The following PHKB variants were observed in gnomAD, a reference collection of about 807,000 sequenced individuals.
The protein encoded by PHKB is phosphorylase kinase regulatory subunit beta.
In PHKB, 122 loss-of-function variants were observed where a neutral mutation model predicts 152.1. That is an observed-to-expected ratio of 0.80 (90% CI 0.69 to 0.93). The LOEUF is 0.93. Among genes scored for constraint, PHKB ranks in the 40% least tolerant of loss-of-function variants. The pLI, the probability that PHKB is intolerant of heterozygous loss-of-function variation, is 0.00. For synonymous variants in PHKB, 436 were observed against 464.9 expected, an observed-to-expected ratio of 0.94 and a Z score of 0.80; for missense variants, 1,304 against 1,328.4, an observed-to-expected ratio of 0.98 and a Z score of 0.29.
At chr16:47,615,842 G>A (rs1051185672) in intron 14 of PHKB, among the ~76,000 whole-genome samples, 2 of 152,142 alleles carry the variant, frequency 1.3e-5, no homozygotes, top group African/African-American at 4.8e-5. Flanking sequence ...TTTCTTCAGA[G>A]TAATTTTTTA....
At chr16:47,538,463 T>G (rs1449730337) in intron 6 of PHKB, among the ~76,000 whole-genome samples, 1 of 152,220 alleles carries the variant, frequency 6.6e-6, no homozygotes, top group Non-Finnish European at 1.5e-5. Context: ...TAGGTGCATG[T>G]TTTGGAGAAA....
chr16:47,597,690 T>C (rs1972146379), intron 13 of PHKB: 1 of 150,112 alleles, frequency 6.7e-6, no homozygotes, highest in Non-Finnish European at 1.5e-5. Context: ...TTTTTTTTTT[T>C]TTTTTTTAGT....
intron 1 of PHKB, among the ~76,000 whole-genome samples, chr16:47,494,254 C>T (rs961065009): frequency 1.3e-5 from 2 of 152,110 alleles, no homozygotes; most frequent in Non-Finnish European, 2.9e-5. Flanking sequence ...AGTATTCAAG[C>T]CTAAATCTAT....
chr16:47,553,562 A>G (rs1971312668), intron 7 of PHKB, among the ~76,000 whole-genome samples: 1 of 151,932 alleles, frequency 6.6e-6, no homozygotes, highest in Non-Finnish European at 1.5e-5. Flanking sequence ...TTCTCCATCC[A>G]GTTTTGTTCC....
At chr16:47,476,713 G>T (rs1336203613) in intron 1 of PHKB, among the ~76,000 whole-genome samples, 1 of 151,714 alleles carries the variant, frequency 6.6e-6, no homozygotes, top group Non-Finnish European at 1.5e-5. Flanking sequence ...TGCATTACTG[G>T]TGTCACTGTC....
intron 5 of PHKB, among the ~76,000 whole-genome samples, chr16:47,511,977 C>T (rs779255799): frequency 1.3e-5 from 2 of 152,096 alleles, no homozygotes; most frequent in Non-Finnish European, 2.9e-5. Flanking sequence ...CTGGATCCCT[C>T]GCATGTGCAG....
rs1435439115 is a variant in PHKB, at chr16:47,660,705, A to G, written c.2082A>G (p.Ser694=). Residue 694 remains serine (S), a synonymous_variant, in exon 22 of 31, where the codon TCA becomes TCG. Coordinates refer to ENST00000323584, the MANE Select transcript of PHKB (RefSeq NM_000293.3). The part of the protein sequence containing the change: ...SFEELEPPKH[S]KVKRQSSTPS... ...AGGAACTAGAACCTCCCAAACATTCAAAAGTCAAACGGCAAAGCAGCACCC... is the reference window on the plus strand; with the variant it reads ...AGGAACTAGAACCTCCCAAACATTCGAAAGTCAAACGGCAAAGCAGCACCC... 6.2e-7 allele frequency: 1 copy of G among 1,614,176 alleles called. No homozygotes were observed. The highest frequency in any genetic ancestry group is 8.5e-7 in the Non-Finnish European group (1 of 1,179,982).
intron 7 of PHKB, among the ~76,000 whole-genome samples, chr16:47,548,751 A>G (rs568637461): frequency 1.2e-4 from 18 of 152,328 alleles, no homozygotes; most frequent in Non-Finnish European, 1.9e-4. Context: ...CCAGATCACT[A>G]GCTGTGTAAC....
chr16:47,594,461 T>C (rs1214182449), intron 12 of PHKB, among the ~76,000 whole-genome samples: 3 of 152,192 alleles, frequency 2.0e-5, no homozygotes, highest in Non-Finnish European at 4.4e-5. Flanking sequence ...TTATTTACTA[T>C]GTAACTCCAT....
chr16:47,664,900 C>G lies in PHKB; in HGVS notation c.2352C>G (p.Tyr784Ter). Residue 784 changes from tyrosine to a stop codon, truncating the protein, a stop_gained, in exon 25 of 31, where the codon TAC becomes TAG. Transcript: ENST00000323584. LOFTEE classifies it high-confidence loss of function. Reference protein sequence around the residue: ...GSQKLWLAVRYGAAFTQKFSS... With the variant: ...GSQKLWLAVR ...ACACACCCAGGTTGGCGGTGCGCTACGGGGCTGCATTTACCCAGAAATTTT... is the reference window on the plus strand; with the variant it reads ...ACACACCCAGGTTGGCGGTGCGCTAGGGGGCTGCATTTACCCAGAAATTTT... 1 of 1,613,244 alleles carries G rather than the reference C, an allele frequency of 6.2e-7. No homozygotes were observed.
At chr16:47,543,248 T>C (rs1971094777) in intron 6 of PHKB, among the ~76,000 whole-genome samples, 1 of 152,248 alleles carries the variant, frequency 6.6e-6, no homozygotes, top group Admixed American at 6.5e-5. Context: ...TTTCTGCATC[T>C]ATTGAGATAA....
At chr16:47,656,273 T>A (rs1973336234) in intron 20 of PHKB, among the ~76,000 whole-genome samples, 1 of 152,192 alleles carries the variant, frequency 6.6e-6, no homozygotes, top group East Asian at 1.9e-4. Flanking sequence ...CGCCTCAGCC[T>A]CCGCAAGTGC....
intron 26 of PHKB, among the ~76,000 whole-genome samples, chr16:47,671,042 T>C (rs1376601960): frequency 6.6e-6 from 1 of 152,202 alleles, no homozygotes; most frequent in East Asian, 1.9e-4. Flanking sequence ...CTGTCAGTTT[T>C]GAAAGGCAAA....
At chr16:47,501,553 A>G (rs1394734894) in intron 3 of PHKB, among the ~76,000 whole-genome samples, 1 of 152,182 alleles carries the variant, frequency 6.6e-6, no homozygotes, top group Admixed American at 6.5e-5. Context: ...CTTGTTTTCT[A>G]GAGATACTTC....
At chr16:47,513,472 T>C (rs532247292) in intron 5 of PHKB, among the ~76,000 whole-genome samples, 1 of 152,318 alleles carries the variant, frequency 6.6e-6, no homozygotes, top group South Asian at 2.1e-4. Context: ...TCTTCCTGTG[T>C]GGCCCACTTG....
chr16:47,696,598 C>G, intron 29 of PHKB, 110 bp downstream of exon 29: 1 of 733,138 alleles, frequency 1.4e-6, no homozygotes, highest in African/African-American at 1.7e-5. Context: ...TTTCCAGTAC[C>G]CCGATCTCTC....
At chr16:47,626,985 T>C (rs560216286) in intron 14 of PHKB, among the ~76,000 whole-genome samples, 8 of 152,356 alleles carry the variant, frequency 5.3e-5, no homozygotes, top group African/African-American at 1.7e-4. Context: ...ATCGGTTTAC[T>C]GGACTTGCTT....
At chr16:47,523,290 T>C (rs1401225244) in intron 6 of PHKB, among the ~76,000 whole-genome samples, 1 of 152,180 alleles carries the variant, frequency 6.6e-6, no homozygotes, top group Non-Finnish European at 1.5e-5. Context: ...TGTGGTGGTG[T>C]TGATGTTTAT....
chr16:47,525,621 T>G (rs888665107), intron 6 of PHKB, among the ~76,000 whole-genome samples: 1 of 152,226 alleles, frequency 6.6e-6, no homozygotes, highest in Non-Finnish European at 1.5e-5. Context: ...TCCATTAATC[T>G]GCCCCACCGT....
Sources: gnomAD v4.1 joint callset for allele counts (sites outside exome capture counted in the v4.1 genomes callset) on GRCh38, gnomAD v4.1.1 for gene constraint, MANE v1.5 for transcripts, NCBI Gene and HGNC (gene_info 2026-07-23, HGNC 2026-07-21) for gene names.